The following MAPKBP1 variants were observed in gnomAD, a reference collection of about 807,000 sequenced individuals.
The protein encoded by MAPKBP1 is mitogen-activated protein kinase binding protein 1.
Under a neutral mutation model 170.5 loss-of-function variants are expected in MAPKBP1, and 71 were observed. That is an observed-to-expected ratio of 0.42 (90% confidence interval 0.34 to 0.51). MAPKBP1 has a LOEUF of 0.51. Ranked by LOEUF, MAPKBP1 falls within the 20% of genes least tolerant of loss-of-function variation. The pLI is 0.06. For missense variants in MAPKBP1, 1,598 were observed against 1,933.0 expected, an observed-to-expected ratio of 0.83 and a Z score of 3.25; for synonymous variants, 719 against 757.9, an observed-to-expected ratio of 0.95 and a Z score of 0.84.
chr15:41,804,006 A>G (rs2064647693), intron 3 of MAPKBP1, among the ~76,000 whole-genome samples: 1 of 151,948 alleles, frequency 6.6e-6, no homozygotes, highest in Non-Finnish European at 1.5e-5. Flanking sequence ...ATGCCCAGCT[A>G]ATTTTGTATT....
At chr15:41,804,385 G>A (rs1472972306) in intron 3 of MAPKBP1, among the ~76,000 whole-genome samples, 1 of 152,258 alleles carries the variant, frequency 6.6e-6, no homozygotes, top group African/African-American at 2.4e-5. Flanking sequence ...AGAGAAGCAA[G>A]CTGATGGAAA....
At chr15:41,786,776 A>AT (rs1567135520) in intron 2 of MAPKBP1, among the ~76,000 whole-genome samples, 40 of 103,040 alleles carry the variant, frequency 3.9e-4, no homozygotes, top group Non-Finnish European at 6.6e-4. Flanking sequence ...AAAAAAAAAA[A>AT]AATATATATA....
chr15:41,793,044 G>A (rs1441764632), intron 2 of MAPKBP1, among the ~76,000 whole-genome samples: 1 of 152,052 alleles, frequency 6.6e-6, no homozygotes, highest in Non-Finnish European at 1.5e-5. Flanking sequence ...ACTAGATAAT[G>A]TCAGGACAGA....
intron 2 of MAPKBP1, among the ~76,000 whole-genome samples, chr15:41,785,580 A>G (rs899428698): frequency 6.6e-6 from 1 of 152,214 alleles, no homozygotes; most frequent in African/African-American, 2.4e-5. Context: ...TTATATTGAC[A>G]AATAATTTGA....
At position 41,813,693 on chromosome 15, in the gene MAPKBP1, C is replaced by A; in HGVS notation, c.892C>A (p.Leu298Ile). Residue 298 changes from leucine (L) to isoleucine (I), a missense_variant, in exon 9 of 31, where the codon CTT becomes ATT. By Grantham distance (5) the Leu-to-Ile change is conservative. Coordinates refer to ENST00000457542, the MANE Select transcript of MAPKBP1 (RefSeq NM_014994.3). ...FCGCADGTVR[L>I]FNPSNLHFLS... Reference sequence around the variant, plus strand: ...TGGCTGTGCTGATGGCACCGTGCGCCTTTTCAACCCCTCTAACCTGCACTT... The same window carrying A: ...TGGCTGTGCTGATGGCACCGTGCGCATTTTCAACCCCTCTAACCTGCACTT... 1 of 1,614,002 alleles carries A rather than the reference C, an allele frequency of 6.2e-7. No individual in the cohort carries two copies. Among genetic ancestry groups the A allele is most frequent in the Non-Finnish European group, 8.5e-7 (1 of 1,179,956 alleles).
intron 2 of MAPKBP1, among the ~76,000 whole-genome samples, chr15:41,790,260 A>G (rs1567137267): frequency 6.6e-6 from 1 of 152,204 alleles, no homozygotes; most frequent in East Asian, 1.9e-4. Context: ...AGAAGGGCAA[A>G]TGCCTTAGTT....
At chr15:41,790,945 T>C (rs1445105416) in intron 2 of MAPKBP1, among the ~76,000 whole-genome samples, 1 of 152,244 alleles carries the variant, frequency 6.6e-6, no homozygotes, top group Non-Finnish European at 1.5e-5. Context: ...CCTTGGCTTC[T>C]TCTGTGGCTT....
chr15:41,816,612 CTG>C lies in MAPKBP1; in HGVS notation c.1548_1549del (p.Glu517AspfsTer8). ...ATGCTGAAGGTGGAGGCCCATGACT[CTG>C]AGATTCTGTGCCTGGAGTATTCTAA... On this transcript the variant is annotated frameshift_variant, in exon 13 of 31. Coordinates refer to ENST00000457542, the MANE Select transcript of MAPKBP1 (RefSeq NM_014994.3). LOFTEE classifies it high-confidence loss of function. The C allele has an allele frequency of 6.2e-7, 1 of 1,614,002 alleles. No individual in the cohort carries two copies. The highest frequency in any genetic ancestry group is 8.5e-7 in the Non-Finnish European group (1 of 1,180,034).
At chr15:41,784,972 C>T (rs79662651) in intron 2 of MAPKBP1, among the ~76,000 whole-genome samples, 4,872 of 150,734 alleles carry the variant, frequency 0.032, 131 homozygotes, top group South Asian at 0.07. Context: ...GGAGGCATGA[C>T]GTGGGAGAAT....
chr15:41,798,208 C>G (rs2064526905), intron 2 of MAPKBP1, among the ~76,000 whole-genome samples: 1 of 136,396 alleles, frequency 7.3e-6, no homozygotes, highest in African/African-American at 2.7e-5. Context: ...CGAGATGGTG[C>G]CACTGCACTC....
intron 2 of MAPKBP1, among the ~76,000 whole-genome samples, chr15:41,788,884 G>A (rs1210179915): frequency 6.6e-6 from 1 of 152,166 alleles, no homozygotes; most frequent in Non-Finnish European, 1.5e-5. Flanking sequence ...AGGAGGGGAG[G>A]AAAGAGTCTA....
intron 3 of MAPKBP1, among the ~76,000 whole-genome samples, chr15:41,809,023 G>A (rs115111194): frequency 0.045 from 6,513 of 145,692 alleles, 291 homozygotes; most frequent in African/African-American, 0.11. Context: ...CTGTGATGGT[G>A]CCATGGTGCC....
At chr15:41,790,361 A>T (rs967888593) in intron 2 of MAPKBP1, among the ~76,000 whole-genome samples, 2 of 152,162 alleles carry the variant, frequency 1.3e-5, no homozygotes, top group Non-Finnish European at 2.9e-5. Context: ...TTCATTCAGA[A>T]TCTTGCAGTC....
intron 5 of MAPKBP1, 63 bp from the exon 6 acceptor site, chr15:41,811,894 G>C: frequency 6.4e-7 from 1 of 1,566,778 alleles, no homozygotes; most frequent in Admixed American, 1.7e-5. Context: ...TCTGGAAGAC[G>C]AAGTGGGGCT....
intron 2 of MAPKBP1, among the ~76,000 whole-genome samples, chr15:41,789,323 C>T (rs1323150134): frequency 6.6e-6 from 1 of 151,956 alleles, no homozygotes; most frequent in Admixed American, 6.6e-5. Flanking sequence ...CACCCCCACC[C>T]GAATTCTGCA....
Position 41,825,490 on chromosome 15 carries a change from C to A in MAPKBP1, c.*54C>A. ...ATGCTCCAGCGATTCCAAACTGCAGCCCCTCTGCCCCTCACCAAAACCTGC... is the reference window on the plus strand; with the variant it reads ...ATGCTCCAGCGATTCCAAACTGCAGACCCTCTGCCCCTCACCAAAACCTGC... On this transcript the variant is annotated 3_prime_UTR_variant, in exon 31 of 31. Transcript: ENST00000457542. The A allele has an allele frequency of 1.4e-6, 2 of 1,450,030 alleles. No individual in the cohort carries two copies. The highest frequency in any genetic ancestry group is 1.9e-6 in the Non-Finnish European group (2 of 1,072,730). The allele number at this position is 1,450,030 out of a possible 1,614,324, so 89.8% of individuals were successfully genotyped here.
intron 5 of MAPKBP1, chr15:41,811,519 G>A (rs761472217): frequency 3.0e-6 from 2 of 665,744 alleles, no homozygotes; most frequent in Admixed American, 2.0e-5. Flanking sequence ...CCCAGAGAGT[G>A]CTGATCCTGC....
intron 2 of MAPKBP1, among the ~76,000 whole-genome samples, chr15:41,780,081 G>T (rs1457291990): frequency 6.6e-6 from 1 of 152,116 alleles, no homozygotes; most frequent in African/African-American, 2.4e-5. Context: ...GCCTCTTCAG[G>T]CTGGGAGTTG....
intron 29 of MAPKBP1, 33 bp downstream of exon 29, chr15:41,824,094 C>T (rs1335257053): frequency 6.4e-7 from 1 of 1,562,628 alleles, no homozygotes; most frequent in Non-Finnish European, 8.6e-7. Flanking sequence ...CATCTCCTGC[C>T]CCATCCTTAC....
Sources: gnomAD v4.1 joint callset for allele counts (sites outside exome capture counted in the v4.1 genomes callset) on GRCh38, gnomAD v4.1.1 for gene constraint, MANE v1.5 for transcripts, NCBI Gene and HGNC (gene_info 2026-07-23, HGNC 2026-07-21) for gene names.